TAFA1: variants seen among roughly 807,000 people sequenced by gnomAD.
TAFA1 encodes chemokine-like protein TAFA-1.
In TAFA1, 4 loss-of-function variants were observed where a neutral mutation model predicts 18.5. The ratio of observed to expected loss-of-function variants is 0.22; its 90% CI spans 0.11 to 0.49. TAFA1 has a LOEUF of 0.49. Ranked by LOEUF, TAFA1 falls within the 20% of genes least tolerant of loss-of-function variation. The pLI, the probability that TAFA1 is intolerant of heterozygous loss-of-function variation, is 0.98. For missense variants in TAFA1, 147 were observed against 169.0 expected (o/e 0.87, Z 0.72); for synonymous variants, 56 against 55.2 (o/e 1.01, Z -0.06).
At chr3:68,260,529 G>A (rs1009239971) in intron 2 of TAFA1, among the ~76,000 whole-genome samples, 1 of 152,050 alleles carries the variant, frequency 6.6e-6, no homozygotes, top group Non-Finnish European at 1.5e-5. Flanking sequence ...ATACTACAAG[G>A]CTACAGTAAC....
At chr3:68,443,552 A>G (rs1434210111) in intron 3 of TAFA1, among the ~76,000 whole-genome samples, 1 of 152,050 alleles carries the variant, frequency 6.6e-6, no homozygotes, top group Admixed American at 6.6e-5. Context: ...GAAGCTTCAC[A>G]ATCATGGTGG....
chr3:68,305,117 T>C (rs2068379168), intron 2 of TAFA1, among the ~76,000 whole-genome samples: 1 of 151,966 alleles, frequency 6.6e-6, no homozygotes, highest in South Asian at 2.1e-4. Context: ...TGTCTCTGGG[T>C]AGCATCCTTC....
intron 2 of TAFA1, among the ~76,000 whole-genome samples, chr3:68,199,058 G>A (rs1178016005): frequency 6.6e-6 from 1 of 151,536 alleles, no homozygotes; most frequent in Admixed American, 6.6e-5. Flanking sequence ...AGAGTATAAA[G>A]TCTGTGCCTT....
intron 2 of TAFA1, among the ~76,000 whole-genome samples, chr3:68,355,270 G>A (rs983402874): frequency 1.3e-5 from 2 of 151,880 alleles, no homozygotes; most frequent in Non-Finnish European, 2.9e-5. Flanking sequence ...TTTCCTCTAA[G>A]TCTGGGCTTG....
In TAFA1 at chr3:68,477,230, T is replaced by C. The variant is rs1575903852; in HGVS notation, c.259+59810T>C. 3.3e-5 allele frequency among the ~76,000 whole-genome samples: 5 copies of C among 152,192 alleles called. No individual in the cohort carries two copies. In the South Asian group the frequency reaches 1.0e-3, roughly 32 times the overall value. The stretch of plus-strand genomic sequence containing the variant: ...ATAATTTGTTTATGAGATTCATCCA[T>C]ATTGTTGCATATAATAGTTATTTCT... On this transcript the variant is annotated intron_variant, in intron 3 of 4. Coordinates refer to ENST00000478136, the MANE Select transcript of TAFA1 (RefSeq NM_213609.4).
At chr3:68,085,525 A>G (rs577360389) in intron 2 of TAFA1, among the ~76,000 whole-genome samples, 1 of 152,214 alleles carries the variant, frequency 6.6e-6, no homozygotes, top group South Asian at 2.1e-4. Flanking sequence ...TGTAATATCA[A>G]ACATGACAGA....
At chr3:68,029,499 A>G (rs916198257) in intron 2 of TAFA1, among the ~76,000 whole-genome samples, 1 of 152,210 alleles carries the variant, frequency 6.6e-6, no homozygotes, top group Non-Finnish European at 1.5e-5. Flanking sequence ...AGTAAATCAA[A>G]CATCAGTTCT....
At position 68,077,784 on chromosome 3, in the gene TAFA1, C is replaced by T. The variant is rs551402878; in HGVS notation, c.118+71040C>T. On this transcript the variant is annotated intron_variant, in intron 2 of 4. Coordinates refer to ENST00000478136, the MANE Select transcript of TAFA1 (RefSeq NM_213609.4). ...TTCTTTTGGCTTAGGATAGACTTGG[C>T]GATGCGGGCTCTTTTTTGGTTCCAT... Among the ~76,000 whole-genome samples, 264 of 151,994 alleles carry T rather than the reference C, an allele frequency of 1.7e-3. 2 individuals carry two copies. In the East Asian group the frequency reaches 0.024, roughly 14 times the overall value.
At chr3:68,383,046 T>G (rs1217289682) in intron 2 of TAFA1, among the ~76,000 whole-genome samples, 2 of 152,192 alleles carry the variant, frequency 1.3e-5, no homozygotes, top group South Asian at 2.1e-4. Flanking sequence ...TTTTGTACAT[T>G]GATTTTGTAT....
Position 68,415,900 on chromosome 3 carries a change from A to T in TAFA1, c.119-1380A>T, listed in dbSNP as rs541089601. 2.0e-5 allele frequency among the ~76,000 whole-genome samples: 3 copies of T among 152,216 alleles called. No homozygotes were observed. In the East Asian group the frequency reaches 5.8e-4, roughly 29 times the overall value. On this transcript the variant is annotated intron_variant, in intron 2 of 4. Coordinates refer to ENST00000478136, the MANE Select transcript of TAFA1 (RefSeq NM_213609.4). The stretch of plus-strand genomic sequence containing the variant: ...CTATGGAGAGAAACATAATTAGTCT[A>T]CTCAAAATCAGAGACTCTTGCGTTT...
At chr3:68,267,267 A>G (rs1357935487) in intron 2 of TAFA1, among the ~76,000 whole-genome samples, 1 of 152,210 alleles carries the variant, frequency 6.6e-6, no homozygotes, top group Non-Finnish European at 1.5e-5. Context: ...ATTTTAAAAC[A>G]TTTGTAAGAA....
intron 4 of TAFA1, among the ~76,000 whole-genome samples, chr3:68,544,187 A>G (rs938403637): frequency 6.6e-6 from 1 of 152,112 alleles, no homozygotes; most frequent in African/African-American, 2.4e-5. Context: ...GCCTTGTGCA[A>G]CTTCATAGGT....
rs1298200548 is a variant in TAFA1 at position 68,305,425 on chromosome 3, A to C, written c.119-111855A>C. On this transcript the variant is annotated intron_variant, in intron 2 of 4. Transcript: ENST00000478136. ...ACTATATGACTATATATATATATAT[A>C]TATATATATATATATATATATATAT... Among the ~76,000 whole-genome samples the C allele has an allele frequency of 3.4e-4, 31 of 92,534 alleles. 2 individuals are homozygous for C. The highest frequency in any genetic ancestry group is 8.6e-3 in the Middle Eastern group (2 of 232). The allele number at this position is 92,534 out of a possible 152,430, so 60.7% of individuals were successfully genotyped here.
rs2068858645 is a variant in TAFA1 at position 68,331,046 on chromosome 3, C to T, written c.119-86234C>T. On this transcript the variant is annotated intron_variant, in intron 2 of 4. Transcript: ENST00000478136. ...GGTGAAACAAAAAACAACAAATGTCCATCAGCTGATGAAGTATAACCAAAA... is the reference window on the plus strand; with the variant it reads ...GGTGAAACAAAAAACAACAAATGTCTATCAGCTGATGAAGTATAACCAAAA... Among the ~76,000 whole-genome samples the T allele has an allele frequency of 2.2e-5, 3 of 134,728 alleles. No individual in the cohort carries two copies. The South Asian group carries it at 8.4e-4, about 38-fold the overall frequency. The allele number at this position is 134,728 out of a possible 152,430, so 88.4% of individuals were successfully genotyped here.
At chr3:68,074,247 G>A (rs931655720) in intron 2 of TAFA1, among the ~76,000 whole-genome samples, 6 of 152,164 alleles carry the variant, frequency 3.9e-5, no homozygotes, top group Non-Finnish European at 5.9e-5. Flanking sequence ...GTGACAGGGA[G>A]CTGCTGTAAA....
intron 2 of TAFA1, among the ~76,000 whole-genome samples, chr3:68,138,437 A>G (rs1452076340): frequency 6.6e-6 from 1 of 152,200 alleles, no homozygotes; most frequent in Non-Finnish European, 1.5e-5. Context: ...ATGTTTAGTC[A>G]AAGATTCTGG....
At chr3:68,310,291 G>A (rs1188287125) in intron 2 of TAFA1, among the ~76,000 whole-genome samples, 1 of 152,068 alleles carries the variant, frequency 6.6e-6, no homozygotes, top group African/African-American at 2.4e-5. Context: ...ATTTTTAGAA[G>A]CAAAGGTCTC....
At chr3:67,991,676 A>G in the TAFA1 span, among the ~76,000 whole-genome samples, 1 of 152,166 alleles carries the variant, frequency 6.6e-6, no homozygotes, top group Non-Finnish European at 1.5e-5. Context: ...TTGGCCTTGT[A>G]CTGAGACTTA....
chr3:68,277,461 TC>T (rs2067817867), intron 2 of TAFA1, among the ~76,000 whole-genome samples: 1 of 151,858 alleles, frequency 6.6e-6, no homozygotes, highest in Non-Finnish European at 1.5e-5. Flanking sequence ...AAGGTATTTC[TC>T]CAGGTTCCAG....
Sources: gnomAD v4.1 joint callset for allele counts (sites outside exome capture counted in the v4.1 genomes callset) on GRCh38, gnomAD v4.1.1 for gene constraint, MANE v1.5 for transcripts, NCBI Gene and HGNC (gene_info 2026-07-23, HGNC 2026-07-21) for gene names.